CSMD1: variants seen among roughly 807,000 people sequenced by gnomAD.
CSMD1 encodes the protein CUB and sushi domain-containing protein 1.
Under a neutral mutation model 417.5 loss-of-function variants are expected in CSMD1, and 213 were observed. The ratio of observed to expected loss-of-function variants is 0.51; its 90% confidence interval spans 0.46 to 0.57. The LOEUF is 0.57. Ranked by LOEUF, CSMD1 falls within the 20% of genes least tolerant of loss-of-function variation. The pLI is 0.00. For synonymous variants in CSMD1, 2,862 were observed against 1,736.8 expected, an observed-to-expected ratio of 1.65 and a Z score of -16.11; for missense variants, 6,923 against 4,529.7, an observed-to-expected ratio of 1.53 and a Z score of -15.17.
intron 10 of CSMD1, among the ~76,000 whole-genome samples, chr8:3,535,258 G>C (rs1798148000): frequency 6.6e-6 from 1 of 152,076 alleles, no homozygotes; most frequent in African/African-American, 2.4e-5. Flanking sequence ...CAGCCACTGT[G>C]GGAAGCTAAT....
intron 3 of CSMD1, among the ~76,000 whole-genome samples, chr8:4,158,419 G>GCAAA (rs774421191): frequency 6.6e-6 from 1 of 151,686 alleles, no homozygotes; most frequent in Admixed American, 6.6e-5. Flanking sequence ...AAAGGATATT[G>GCAAA]CAAACAAACA....
chr8:4,898,257 G>T (rs530632208), intron 1 of CSMD1, among the ~76,000 whole-genome samples: 1 of 152,026 alleles, frequency 6.6e-6, no homozygotes, highest in Admixed American at 6.6e-5. Context: ...TAGATGACTT[G>T]CCCGTTTTAG....
chr8:3,268,521 C>A (rs1801603261), intron 26 of CSMD1, among the ~76,000 whole-genome samples: 1 of 151,964 alleles, frequency 6.6e-6, no homozygotes, highest in East Asian at 1.9e-4. Flanking sequence ...AATTTCCTGA[C>A]CTCATCCGCC....
rs113805418 is a variant in CSMD1, at chr8:4,967,720, G to C, written c.85+26612C>G. On this transcript the variant is annotated intron_variant, in intron 1 of 69. Transcript: ENST00000635120. ...ATGTTAATAAGTCTGTGTGTGTGTCGTTCACATAGCATTAGTTCATCAATA... is the reference window on the plus strand; with the variant it reads ...ATGTTAATAAGTCTGTGTGTGTGTCCTTCACATAGCATTAGTTCATCAATA... Among the ~76,000 whole-genome samples the C allele has an allele frequency of 3.2e-3, 487 of 152,162 alleles. 4 individuals carry two copies. The highest frequency in any genetic ancestry group is 3.4e-3 in the Non-Finnish European group (232 of 68,010).
intron 1 of CSMD1, among the ~76,000 whole-genome samples, chr8:4,870,905 C>T (rs1802698914): frequency 6.6e-6 from 1 of 152,152 alleles, no homozygotes; most frequent in South Asian, 2.1e-4. Flanking sequence ...GGGCTTCAAC[C>T]ATGGAGCCAG....
At chr8:4,339,902 G>A (rs1800379869) in intron 3 of CSMD1, among the ~76,000 whole-genome samples, 2 of 152,054 alleles carry the variant, frequency 1.3e-5, no homozygotes, top group African/African-American at 4.8e-5. Flanking sequence ...GCACGCACCA[G>A]TAGTCCTGGC....
intron 5 of CSMD1, among the ~76,000 whole-genome samples, chr8:3,873,474 G>T (rs917579203): frequency 6.6e-6 from 1 of 151,962 alleles, no homozygotes; most frequent in Non-Finnish European, 1.5e-5. Context: ...AATACCACAC[G>T]TTCTACCTTC....
At chr8:4,167,842 A>G (rs187325899) in intron 3 of CSMD1, among the ~76,000 whole-genome samples, 1 of 152,156 alleles carries the variant, frequency 6.6e-6, no homozygotes, top group African/African-American at 2.4e-5. Context: ...ATTATATATA[A>G]AAAGGCCAGA....
At chr8:3,409,359 C>A in intron 13 of CSMD1, 64 bp downstream of exon 13, 4 of 1,406,884 alleles carry the variant, frequency 2.8e-6, no homozygotes, top group Non-Finnish European at 3.8e-6. Context: ...TGTCTTTCTC[C>A]TTTTCTCCCC....
At chr8:4,939,093 G>A (rs994883727) in intron 1 of CSMD1, among the ~76,000 whole-genome samples, 21 of 152,260 alleles carry the variant, frequency 1.4e-4, no homozygotes, top group African/African-American at 4.8e-4. Flanking sequence ...TCTGCGGGTT[G>A]CCTCTTTATT....
chr8:3,610,327 G>T (rs756366952), intron 8 of CSMD1, among the ~76,000 whole-genome samples: 15 of 152,138 alleles, frequency 9.9e-5, no homozygotes, highest in African/African-American at 3.6e-4. Flanking sequence ...GAGGCCAGGA[G>T]TTAGAAACCA....
intron 18 of CSMD1, among the ~76,000 whole-genome samples, chr8:3,383,829 G>C (rs555727631): frequency 1.3e-5 from 2 of 152,242 alleles, no homozygotes; most frequent in Admixed American, 6.5e-5. Flanking sequence ...CAACTGAAAT[G>C]TCAGCAAACA....
At chr8:4,486,134 TATAC>T (rs1216245265) in intron 2 of CSMD1, among the ~76,000 whole-genome samples, 25 of 30,940 alleles carry the variant, frequency 8.1e-4, no homozygotes, top group South Asian at 1.8e-3. Flanking sequence ...TATATATATA[TATAC>T]ATACATATAT....
chr8:4,065,392 T>G (rs1394632534), intron 3 of CSMD1, among the ~76,000 whole-genome samples: 1 of 152,212 alleles, frequency 6.6e-6, no homozygotes, highest in African/African-American at 2.4e-5. Flanking sequence ...CCTACAGTCT[T>G]AAAAATTTTT....
At chr8:3,476,145 C>G (rs113818481) in intron 11 of CSMD1, among the ~76,000 whole-genome samples, 15 of 152,192 alleles carry the variant, frequency 9.9e-5, no homozygotes, top group African/African-American at 2.9e-4. Flanking sequence ...GAGTTCAAGA[C>G]TAGCCTGCGC....
At chr8:3,078,968 C>CGG (rs60996373) in intron 49 of CSMD1, among the ~76,000 whole-genome samples, 4 of 152,042 alleles carry the variant, frequency 2.6e-5, no homozygotes, top group South Asian at 2.1e-4. Flanking sequence ...TCCTTCAAAA[C>CGG]GGGGGGGAGC....
intron 37 of CSMD1, among the ~76,000 whole-genome samples, chr8:3,167,926 A>G (rs1401020554): frequency 1.3e-5 from 2 of 152,226 alleles, no homozygotes; most frequent in African/African-American, 2.4e-5. Flanking sequence ...TAAACATGCA[A>G]TTTTAATCAA....
intron 7 of CSMD1, among the ~76,000 whole-genome samples, chr8:3,637,757 G>A (rs549340123): frequency 9.2e-5 from 14 of 152,168 alleles, no homozygotes; most frequent in Non-Finnish European, 1.8e-4. Context: ...ATCTCATCTT[G>A]AATTGTAGCT....
At chr8:4,377,761 G>C (rs930212880) in intron 3 of CSMD1, among the ~76,000 whole-genome samples, 3 of 152,088 alleles carry the variant, frequency 2.0e-5, no homozygotes, top group Non-Finnish European at 4.4e-5. Context: ...AGGCTATCAG[G>C]AAAAAAGAAT....
Sources: gnomAD v4.1 joint callset for allele counts (sites outside exome capture counted in the v4.1 genomes callset) on GRCh38, gnomAD v4.1.1 for gene constraint, MANE v1.5 for transcripts, NCBI Gene and HGNC (gene_info 2026-07-23, HGNC 2026-07-21) for gene names.